The following STK31 variants were observed in gnomAD, a reference collection of about 807,000 sequenced individuals.
STK31 encodes the protein serine/threonine kinase 31.
In STK31, 89 loss-of-function variants were observed where a neutral mutation model predicts 129.7. That is an observed-to-expected ratio of 0.69 (90% confidence interval 0.58 to 0.82). STK31 has a LOEUF of 0.82. Among genes scored for constraint, STK31 ranks in the 40% least tolerant of loss-of-function variants. The pLI is 0.00. For synonymous variants in STK31, 448 were observed against 395.3 expected, an observed-to-expected ratio of 1.13 and a Z score of -1.58; for missense variants, 1,187 against 1,176.4, an observed-to-expected ratio of 1.01 and a Z score of -0.13.
chr7:23,713,081 A>G (rs1467512930), intron 3 of STK31, among the ~76,000 whole-genome samples: 1 of 152,178 alleles, frequency 6.6e-6, no homozygotes, highest in Non-Finnish European at 1.5e-5. Flanking sequence ...TGACTGGGAT[A>G]CATACAGAGA....
chr7:23,810,173 T>G (rs1481533242), intron 22 of STK31, among the ~76,000 whole-genome samples: 1 of 152,166 alleles, frequency 6.6e-6, no homozygotes, highest in Non-Finnish European at 1.5e-5. Flanking sequence ...CTGTAGTAAT[T>G]TTCTTTGCTC....
intron 15 of STK31, among the ~76,000 whole-genome samples, chr7:23,780,187 G>A (rs6461735): frequency 0.98 from 149,685 of 152,092 alleles, 73,720 homozygotes; most frequent in East Asian, 1. Flanking sequence ...ACTAGTCCCA[G>A]TGAGATAAGC....
intron 23 of STK31, among the ~76,000 whole-genome samples, chr7:23,820,568 T>C (rs1283344761): frequency 2.0e-5 from 3 of 152,214 alleles, no homozygotes; most frequent in Non-Finnish European, 4.4e-5. Context: ...AAATATTTAA[T>C]ACATTGTTAA....
chr7:23,779,682 TC>T (rs1299855643), intron 15 of STK31, among the ~76,000 whole-genome samples: 1 of 151,876 alleles, frequency 6.6e-6, no homozygotes, highest in Non-Finnish European at 1.5e-5. Flanking sequence ...CAGAGGCCCC[TC>T]CCCCAACCAA....
intron 22 of STK31, chr7:23,811,542 A>G (rs886573914): frequency 8.0e-5 from 19 of 237,880 alleles, no homozygotes; most frequent in Admixed American, 6.0e-4. Flanking sequence ...ATATTACCCT[A>G]TGTCTTACTG....
Position 23,790,848 on chromosome 7 carries a change from A to G in STK31, c.2662A>G (p.Met888Val), listed in dbSNP as rs781400893. The change falls in exon 22 of 24, where the codon ATG (methionine) becomes GTG (valine). Residue 888 changes from methionine to valine, a missense_variant. Met to Val is a conservative substitution (Grantham distance 21). Coordinates refer to ENST00000355870, the MANE Select transcript of STK31 (RefSeq NM_031414.5). ...SVSQRASVNM[M>V]VGDLSLMSPE... ...GAGTCAGCGAGCCTCGGTGAACATG[A>G]TGGTTGGTGACTTGAGTTTGATGTC... 1.2e-6 allele frequency: 2 copies of G among 1,604,584 alleles called. No homozygotes were observed. The highest frequency in any genetic ancestry group is 1.7e-5 in the Admixed American group (1 of 57,256).
intron 23 of STK31, among the ~76,000 whole-genome samples, chr7:23,819,442 G>A (rs1256057152): frequency 6.8e-6 from 1 of 147,450 alleles, no homozygotes; most frequent in Non-Finnish European, 1.5e-5. Flanking sequence ...TTTTGAGACA[G>A]TCTTGCTTGG....
chr7:23,750,977 C>G (rs574643893), intron 8 of STK31, among the ~76,000 whole-genome samples: 1 of 152,222 alleles, frequency 6.6e-6, no homozygotes, highest in Non-Finnish European at 1.5e-5. Context: ...TCCCTTCTAT[C>G]TAACTGCGTG....
chr7:23,718,583 A>T (rs1786498508), intron 4 of STK31, among the ~76,000 whole-genome samples: 2 of 152,118 alleles, frequency 1.3e-5, no homozygotes, highest in African/African-American at 2.4e-5. Flanking sequence ...TTCTTAAATC[A>T]TGGAGTATGT....
At chr7:23,732,294 A>G (rs1787478882) in intron 6 of STK31, among the ~76,000 whole-genome samples, 1 of 152,232 alleles carries the variant, frequency 6.6e-6, no homozygotes, top group South Asian at 2.1e-4. Context: ...TAAGTTTTAT[A>G]CCTTTTAAAT....
chr7:23,817,890 C>T (rs576180297), intron 23 of STK31, among the ~76,000 whole-genome samples: 243 of 150,974 alleles, frequency 1.6e-3, no homozygotes, highest in South Asian at 5.8e-3. Flanking sequence ...TTTTTTTCTT[C>T]GTTAGTCCAA....
rs141119908 is a variant in STK31 at position 23,718,800 on chromosome 7, G to A, written c.249+1221G>A. Among the ~76,000 whole-genome samples, 280 of 152,032 alleles carry A rather than the reference G, an allele frequency of 1.8e-3. 1 individual carries two copies. The highest frequency in any genetic ancestry group is 3.4e-3 in the Non-Finnish European group (232 of 67,894). Reference sequence around the variant, plus strand: ...TTTAACTACTCTGAATGAAACTGCCGTGAAATCCTTATATAAGTCTTCTGC... The same window carrying A: ...TTTAACTACTCTGAATGAAACTGCCATGAAATCCTTATATAAGTCTTCTGC... On this transcript the variant is annotated intron_variant, in intron 4 of 23. Transcript: ENST00000355870.
intron 22 of STK31, among the ~76,000 whole-genome samples, chr7:23,797,586 A>G (rs1792054580): frequency 6.6e-6 from 1 of 152,234 alleles, no homozygotes; most frequent in South Asian, 2.1e-4. Flanking sequence ...ACAATGTACC[A>G]GAATCTCTGG....
At chr7:23,721,540 CT>C (rs34764466) in intron 4 of STK31, 278,513 of 749,236 alleles carry the variant, frequency 0.37, 37,696 homozygotes, top group Admixed American at 0.5. Flanking sequence ...GTTTAACTCT[CT>C]TTTTTTTTTT....
intron 23 of STK31, among the ~76,000 whole-genome samples, chr7:23,815,990 T>G (rs906617018): frequency 2.0e-5 from 3 of 152,024 alleles, no homozygotes; most frequent in Non-Finnish European, 4.4e-5. Flanking sequence ...AATGAAAGAG[T>G]ACATATAATT....
At chr7:23,757,568 G>A (rs541157869) in intron 10 of STK31, among the ~76,000 whole-genome samples, 45 of 152,262 alleles carry the variant, frequency 3.0e-4, no homozygotes, top group African/African-American at 1.0e-3. Context: ...TTAAAGAGTA[G>A]TATTGCCGTC....
intron 22 of STK31, among the ~76,000 whole-genome samples, chr7:23,809,503 A>G (rs1489250373): frequency 6.6e-6 from 1 of 152,162 alleles, no homozygotes; most frequent in Non-Finnish European, 1.5e-5. Context: ...TACACAGGGA[A>G]TTGGTTTCGG....
At chr7:23,825,455 C>A (rs1426783788) in intron 23 of STK31, among the ~76,000 whole-genome samples, 1 of 152,172 alleles carries the variant, frequency 6.6e-6, no homozygotes, top group African/African-American at 2.4e-5. Flanking sequence ...TCCCCTTTGT[C>A]ATTTTTTATT....
At chr7:23,738,917 A>G (rs1337777745) in intron 8 of STK31, among the ~76,000 whole-genome samples, 1 of 152,184 alleles carries the variant, frequency 6.6e-6, no homozygotes, top group African/African-American at 2.4e-5. Context: ...TGCCATTGTA[A>G]ATAGTGCTGC....
Sources: gnomAD v4.1 joint callset for allele counts (sites outside exome capture counted in the v4.1 genomes callset) on GRCh38, gnomAD v4.1.1 for gene constraint, MANE v1.5 for transcripts, NCBI Gene and HGNC (gene_info 2026-07-23, HGNC 2026-07-21) for gene names.